RBFOX1: variants seen among roughly 807,000 people sequenced by gnomAD.
The protein encoded by RBFOX1 is RNA binding fox-1 homolog 1.
RBFOX1 carries 8 observed loss-of-function variants against 57.7 expected under a neutral mutation model. That is an observed-to-expected ratio of 0.14 (90% confidence interval 0.08 to 0.25). RBFOX1 has a LOEUF of 0.25. RBFOX1 is among the 10% of genes least tolerant of loss of function. The pLI is 1.00. For synonymous variants in RBFOX1, 326 were observed against 222.4 expected, an observed-to-expected ratio of 1.47 and a Z score of -4.15; for missense variants, 611 against 548.5, an observed-to-expected ratio of 1.11 and a Z score of -1.14.
chr16:6,823,923 A>C (rs1221907710), intron 3 of RBFOX1, among the ~76,000 whole-genome samples: 2 of 152,294 alleles, frequency 1.3e-5, no homozygotes, highest in East Asian at 1.9e-4. Context: ...CACGTAAGAA[A>C]TCAGTGTAAG....
chr16:6,999,209 T>TTA (rs750996047), intron 3 of RBFOX1, among the ~76,000 whole-genome samples: 22,116 of 93,522 alleles, frequency 0.24, 2,559 homozygotes, highest in South Asian at 0.35. Flanking sequence ...ATTTTTTATT[T>TTA]TTATTTATTT....
chr16:6,458,066 G>C (rs1156261120), intron 2 of RBFOX1, among the ~76,000 whole-genome samples: 2 of 152,066 alleles, frequency 1.3e-5, no homozygotes, highest in African/African-American at 4.8e-5. Context: ...TTTAAATGAA[G>C]ATATTGAAGC....
At chr16:5,790,501 C>T (rs2054653938) in intron 3 of RBFOX1, among the ~76,000 whole-genome samples, 1 of 133,358 alleles carries the variant, frequency 7.5e-6, no homozygotes, top group African/African-American at 3.0e-5. Flanking sequence ...GCAAGGAAAA[C>T]AATATGCTGA....
chr16:6,459,983 T>TCAAAAAAAAAAAAA, intron 2 of RBFOX1, among the ~76,000 whole-genome samples: 1 of 15,640 alleles, frequency 6.4e-5, no homozygotes, highest in Non-Finnish European at 1.2e-4. Flanking sequence ...AAACTCCATC[T>TCAAAAAAAAAAAAA]CAAAAAAAAA....
chr16:7,190,392 T>C (rs1479353780), intron 4 of RBFOX1, among the ~76,000 whole-genome samples: 1 of 152,066 alleles, frequency 6.6e-6, no homozygotes, highest in Non-Finnish European at 1.5e-5. Flanking sequence ...AAATAAAAAA[T>C]AAAACTTCCC....
chr16:6,395,576 TATA>T (rs1233272179), intron 2 of RBFOX1, among the ~76,000 whole-genome samples: 1 of 75,940 alleles, frequency 1.3e-5, no homozygotes, highest in Non-Finnish European at 2.7e-5. Flanking sequence ...TGAAAAAACA[TATA>T]ATTATATACA....
At chr16:7,135,763 T>C (rs1273202872) in intron 4 of RBFOX1, among the ~76,000 whole-genome samples, 1 of 152,242 alleles carries the variant, frequency 6.6e-6, no homozygotes, top group African/African-American at 2.4e-5. Flanking sequence ...GATTAACATT[T>C]TTCAATTAAC....
At chr16:5,627,581 A>G (rs537840968) in intron 3 of RBFOX1, among the ~76,000 whole-genome samples, 1 of 152,344 alleles carries the variant, frequency 6.6e-6, no homozygotes, top group East Asian at 1.9e-4. Flanking sequence ...CTTTATAATA[A>G]ATAAGCAACA....
At chr16:7,168,185 A>G (rs1422494975) in intron 4 of RBFOX1, among the ~76,000 whole-genome samples, 1 of 152,204 alleles carries the variant, frequency 6.6e-6, no homozygotes, top group East Asian at 1.9e-4. Flanking sequence ...TTCTATGAGC[A>G]GCAGCTTTGT....
At chr16:5,767,371 A>C (rs1865814) in intron 3 of RBFOX1, among the ~76,000 whole-genome samples, 3,575 of 152,260 alleles carry the variant, frequency 0.023, 142 homozygotes, top group African/African-American at 0.08. Context: ...CTCCACAGAA[A>C]TTCATTAACT....
At chr16:6,919,158 G>GT (rs1567877115) in intron 3 of RBFOX1, among the ~76,000 whole-genome samples, 1 of 151,682 alleles carries the variant, frequency 6.6e-6, no homozygotes, top group Non-Finnish European at 1.5e-5. Flanking sequence ...TTTTTGTATT[G>GT]TTTTTTTGGA....
At chr16:6,695,927 A>C (rs1544619) in intron 3 of RBFOX1, among the ~76,000 whole-genome samples, 8,680 of 152,228 alleles carry the variant, frequency 0.057, 669 homozygotes, top group East Asian at 0.41. Context: ...ATAGTGGACA[A>C]CTGACTGTTC....
chr16:7,478,371 C>G (rs1334021752), intron 4 of RBFOX1, among the ~76,000 whole-genome samples: 1 of 152,156 alleles, frequency 6.6e-6, no homozygotes, highest in Admixed American at 6.5e-5. Context: ...GAAAAAAATA[C>G]ATCTAAAGGG....
chr16:5,982,988 G>A (rs1195174431), intron 4 of RBFOX1, among the ~76,000 whole-genome samples: 1 of 152,160 alleles, frequency 6.6e-6, no homozygotes, highest in East Asian at 1.9e-4. Flanking sequence ...CTCCCTCTCT[G>A]CCTCAGTTTC....
intron 14 of RBFOX1, among the ~76,000 whole-genome samples, chr16:7,677,132 T>TACACACACCC (rs1555762486): frequency 2.2e-5 from 3 of 137,862 alleles, no homozygotes; most frequent in Non-Finnish European, 4.7e-5. Context: ...CACATACACA[T>TACACACACCC]ACACACACAC....
chr16:5,261,521 C>T (rs2062731626), intron 1 of RBFOX1, among the ~76,000 whole-genome samples: 1 of 150,184 alleles, frequency 6.7e-6, no homozygotes, highest in African/African-American at 2.4e-5. Context: ...TATAGGCACC[C>T]ATCCACTGAC....
intron 2 of RBFOX1, among the ~76,000 whole-genome samples, chr16:6,468,234 GA>G (rs1420552099): frequency 6.6e-6 from 1 of 152,104 alleles, no homozygotes; most frequent in African/African-American, 2.4e-5. Context: ...TCTTTGTTAT[GA>G]AGGGCCCACA....
chr16:6,631,462 G>C (rs193181197), intron 2 of RBFOX1, among the ~76,000 whole-genome samples: 14 of 152,018 alleles, frequency 9.2e-5, no homozygotes, highest in Admixed American at 3.3e-4. Context: ...GTGTAGCAAC[G>C]TGTGTAAAAA....
At chr16:5,954,494 G>A (rs565668980) in intron 4 of RBFOX1, among the ~76,000 whole-genome samples, 5 of 152,156 alleles carry the variant, frequency 3.3e-5, no homozygotes, top group East Asian at 3.9e-4. Flanking sequence ...AGAGATGCTC[G>A]TGGTGCCCTT....
Sources: gnomAD v4.1 joint callset for allele counts (sites outside exome capture counted in the v4.1 genomes callset) on GRCh38, gnomAD v4.1.1 for gene constraint, MANE v1.5 for transcripts, NCBI Gene and HGNC (gene_info 2026-07-23, HGNC 2026-07-21) for gene names.